The following CACNA1C variants were observed in gnomAD, a reference collection of about 807,000 sequenced individuals.
CACNA1C encodes the protein calcium voltage-gated channel subunit alpha1 C.
In CACNA1C, 30 loss-of-function variants were observed where a neutral mutation model predicts 229.0. The observed-to-expected ratio is 0.13, with a 90% CI of 0.10 to 0.18. The LOEUF (loss-of-function observed/expected upper bound fraction) is 0.18. Ranked by LOEUF, CACNA1C falls within the 10% of genes least tolerant of loss-of-function variation. The probability of loss-of-function intolerance (pLI) is 1.00; values close to 1 mark genes in which losing one functional copy is unlikely to be tolerated. For synonymous variants in CACNA1C, 1,114 were observed against 1,132.5 expected (o/e 0.98, Z 0.33); for missense variants, 1,658 against 2,845.0 (o/e 0.58, Z 9.49).
intron 4 of CACNA1C, among the ~76,000 whole-genome samples, chr12:2,456,563 A>G (rs113340426): frequency 0.022 from 3,281 of 152,038 alleles, 130 homozygotes; most frequent in African/African-American, 0.075. Context: ...TCTAACGCAC[A>G]CCCTGCCCCT....
At chr12:2,289,519 A>G (rs547451309) in intron 3 of CACNA1C, among the ~76,000 whole-genome samples, 1 of 152,164 alleles carries the variant, frequency 6.6e-6, no homozygotes, top group Non-Finnish European at 1.5e-5. Context: ...CGGTATAGTC[A>G]GGAAATCAGA....
intron 1 of CACNA1C, among the ~76,000 whole-genome samples, chr12:2,025,279 G>C (rs988706622): frequency 6.6e-6 from 1 of 152,208 alleles, no homozygotes; most frequent in Non-Finnish European, 1.5e-5. Context: ...GCGTTCCACA[G>C]AACATCTGGA....
At chr12:2,185,478 G>A (rs1007137504) in intron 3 of CACNA1C, among the ~76,000 whole-genome samples, 1 of 152,182 alleles carries the variant, frequency 6.6e-6, no homozygotes, top group Non-Finnish European at 1.5e-5. Flanking sequence ...TTGGAGACAG[G>A]GTCTTTAAAG....
rs141032637 is a variant in CACNA1C at position 2,595,571 on chromosome 12, G to A, written c.2664-303G>A. Among the ~76,000 whole-genome samples the A allele has an allele frequency of 4.3e-4, 66 of 152,204 alleles. 2 individuals are homozygous for A. The highest frequency in any genetic ancestry group is 1.6e-3 in the African/African-American group (65 of 41,540). Reference sequence around the variant, plus strand: ...TAAAGTGATTTCTTTTCAATGATAGGGAAAATAAGTCCCCAAACAAAAGCC... The same window carrying A: ...TAAAGTGATTTCTTTTCAATGATAGAGAAAATAAGTCCCCAAACAAAAGCC... On this transcript the variant is annotated intron_variant, in intron 19 of 46. Coordinates refer to ENST00000399655, the MANE Select transcript of CACNA1C (RefSeq NM_000719.7). The surrounding 1 kb of genome is among the most constrained non-coding windows in gnomAD (Gnocchi z 4.1).
chr12:2,079,059 T>C (rs561520862), intron 1 of CACNA1C, among the ~76,000 whole-genome samples: 70 of 140,796 alleles, frequency 5.0e-4, no homozygotes, highest in Admixed American at 2.9e-3. Context: ...TGTTCTCACT[T>C]ATAGGTGGGA....
In CACNA1C at chr12:2,679,550, C is replaced by A; in HGVS notation, c.5198C>A (p.Ala1733Glu). The change falls in exon 42 of 47, where the codon GCG becomes GAG. Residue 1733 changes from alanine to glutamate, a missense_variant. Coordinates refer to ENST00000399655, the MANE Select transcript of CACNA1C (RefSeq NM_000719.7). This position sits in a 1 kb window ranked among gnomAD's most constrained non-coding sequence, Gnocchi z 5.5. ...TTQRPLHINK[A>E]GSSQGDTESP... ...CAGCGCCCGCTGCACATCAACAAGG[C>A]GGGCAGCAGCCAGGGCGACACTGAG... 1 of 1,613,210 alleles carries A rather than the reference C, an allele frequency of 6.2e-7. No individual in the cohort carries two copies.
At chr12:2,088,208 C>G (rs1342332686) in intron 1 of CACNA1C, among the ~76,000 whole-genome samples, 1 of 152,218 alleles carries the variant, frequency 6.6e-6, no homozygotes, top group South Asian at 2.1e-4. Flanking sequence ...TTCTTTGGTT[C>G]TTGCCTTGAG....
At chr12:2,025,681 C>G (rs2047199880) in intron 1 of CACNA1C, among the ~76,000 whole-genome samples, 1 of 152,204 alleles carries the variant, frequency 6.6e-6, no homozygotes, top group African/African-American at 2.4e-5. Flanking sequence ...CTTGGAGAAG[C>G]TTTCACCTAA....
intron 7 of CACNA1C, among the ~76,000 whole-genome samples, chr12:2,496,192 G>A (rs2099746435): frequency 6.6e-6 from 1 of 152,200 alleles, no homozygotes; most frequent in African/African-American, 2.4e-5. Context: ...TTCCAGGCTG[G>A]AGTTTGAAAA....
intron 3 of CACNA1C, among the ~76,000 whole-genome samples, chr12:2,254,387 T>G (rs967954017): frequency 6.6e-6 from 1 of 152,220 alleles, no homozygotes; most frequent in East Asian, 1.9e-4. Context: ...CATGTCTTCC[T>G]TAGACACATA....
chr12:2,235,282 G>T (rs575502313), intron 3 of CACNA1C, among the ~76,000 whole-genome samples: 1 of 152,244 alleles, frequency 6.6e-6, no homozygotes, highest in East Asian at 1.9e-4. Flanking sequence ...TAACTCAGTT[G>T]CTCTGCAATG....
intron 3 of CACNA1C, among the ~76,000 whole-genome samples, chr12:2,401,200 G>T (rs1037847131): frequency 7.2e-5 from 11 of 152,318 alleles, no homozygotes; most frequent in African/African-American, 2.6e-4. Flanking sequence ...CCTTGTTGGT[G>T]TGCTGGGCCT....
intron 27 of CACNA1C, 45 bp from the exon 28 acceptor site, chr12:2,610,496 C>T: frequency 6.3e-7 from 1 of 1,578,514 alleles, no homozygotes; most frequent in Non-Finnish European, 8.6e-7. Context: ...CCCACACCCT[C>T]CAGTTAACTA....
chr12:2,286,994 G>A (rs1017338074), intron 3 of CACNA1C, among the ~76,000 whole-genome samples: 6 of 152,228 alleles, frequency 3.9e-5, no homozygotes, highest in Non-Finnish European at 8.8e-5. Context: ...TGAAGGGTGT[G>A]TGTGGAGAGG....
At chr12:2,193,530 G>A (rs183105141) in intron 3 of CACNA1C, among the ~76,000 whole-genome samples, 270 of 152,324 alleles carry the variant, frequency 1.8e-3, no homozygotes, top group African/African-American at 6.3e-3. Context: ...TTGAGAGCTC[G>A]CCACCTTTCC....
rs201503391 is a variant in CACNA1C, at chr12:2,055,588, A to G, written c.49+1977A>G. 2.0e-4 allele frequency among the ~76,000 whole-genome samples: 31 copies of G among 152,296 alleles called. No individual in the cohort carries two copies. In the East Asian group the frequency reaches 4.2e-3, roughly 21 times the overall value. On this transcript the variant is annotated intron_variant, in intron 1 of 46. Coordinates refer to ENST00000399655, the MANE Select transcript of CACNA1C (RefSeq NM_000719.7). ...TATGCTGGGAGCAGACATTAAAAGT[A>G]GGAGTGCCAACCCCAGAGAGGTTCC... is the stretch of plus-strand genomic sequence containing the variant.
At chr12:2,466,293 G>C (rs1038123340) in intron 5 of CACNA1C, among the ~76,000 whole-genome samples, 1 of 152,190 alleles carries the variant, frequency 6.6e-6, no homozygotes, top group African/African-American at 2.4e-5. Context: ...TCCCATCGTG[G>C]CTCCCAGGAA....
chr12:2,533,735 G>A (rs749952102), intron 9 of CACNA1C, among the ~76,000 whole-genome samples: 15 of 152,138 alleles, frequency 9.9e-5, no homozygotes, highest in Non-Finnish European at 2.2e-4. Flanking sequence ...TGTCAAAAGC[G>A]CCAGGGCTGG....
At chr12:2,114,444 A>G (rs563956403) in intron 1 of CACNA1C, among the ~76,000 whole-genome samples, 4 of 152,302 alleles carry the variant, frequency 2.6e-5, no homozygotes, top group Admixed American at 6.5e-5. Flanking sequence ...TTGGTAAAAC[A>G]GTCACCAAAG....
Sources: gnomAD v4.1 joint callset for allele counts (sites outside exome capture counted in the v4.1 genomes callset) on GRCh38, gnomAD v4.1.1 for gene constraint, Gnocchi (gnomAD v3.1) non-coding constraint, MANE v1.5 for transcripts, NCBI Gene and HGNC (gene_info 2026-07-23, HGNC 2026-07-21) for gene names.